Variants in CKAP5 observed in about 807,000 individuals in gnomAD.
CKAP5 encodes cytoskeleton-associated protein 5.
A neutral mutation model predicts 232.8 loss-of-function variants in CKAP5; 27 were observed. That is an observed-to-expected ratio of 0.12 (90% CI 0.09 to 0.16). The LOEUF is 0.16. CKAP5 is among the 10% of genes least tolerant of loss of function. The pLI, the probability that CKAP5 is intolerant of heterozygous loss-of-function variation, is 1.00. For missense variants in CKAP5, 1,838 were observed against 2,424.7 expected (o/e 0.76, Z 5.08); for synonymous variants, 785 against 841.1 (o/e 0.93, Z 1.16).
At chr11:46,783,639 C>T (rs1398516311) in intron 17 of CKAP5, among the ~76,000 whole-genome samples, 1 of 150,852 alleles carries the variant, frequency 6.6e-6, no homozygotes, top group African/African-American at 2.4e-5. Context: ...CTCTGTCACC[C>T]AGGAGTACAG....
chr11:46,808,929 C>T (rs1055885239), intron 7 of CKAP5, among the ~76,000 whole-genome samples: 4 of 152,158 alleles, frequency 2.6e-5, no homozygotes, highest in Non-Finnish European at 5.9e-5. Flanking sequence ...TAGGGAACTT[C>T]CGGCAATGTT....
At chr11:46,769,696 TA>T (rs546392604) in intron 26 of CKAP5, among the ~76,000 whole-genome samples, 42 of 141,204 alleles carry the variant, frequency 3.0e-4, no homozygotes, top group East Asian at 6.1e-4. Flanking sequence ...ATGCCATCTC[TA>T]AAAAAAAAAA....
chr11:46,748,429 G>A (rs967546845), intron 42 of CKAP5, among the ~76,000 whole-genome samples: 3 of 152,152 alleles, frequency 2.0e-5, no homozygotes, highest in African/African-American at 7.2e-5. Flanking sequence ...AAAAGCTTTG[G>A]ATCTGAACAA....
At chr11:46,752,463 T>C (rs1271716226) in intron 38 of CKAP5, among the ~76,000 whole-genome samples, 172 bp downstream of exon 38, 1 of 151,640 alleles carries the variant, frequency 6.6e-6, no homozygotes, top group East Asian at 1.9e-4. Context: ...CCACTGCACC[T>C]GGCTAAATTT....
chr11:46,784,801 G>A, intron 16 of CKAP5, 128 bp from the exon 17 acceptor site: 1 of 596,220 alleles, frequency 1.7e-6, no homozygotes, highest in Non-Finnish European at 2.8e-6. Flanking sequence ...AGTAAAATCA[G>A]GATTTTAAAC....
In CKAP5 at chr11:46,752,193, T is replaced by TATATATATACAC. The variant is rs1408030107; in HGVS notation, c.5133+441_5133+442insGTGTATATATAT. 2.0e-4 allele frequency among the ~76,000 whole-genome samples: 13 copies of TATATATATACAC among 66,542 alleles called. 1 individual carries two copies. The highest frequency in any genetic ancestry group is 6.1e-4 in the African/African-American group (12 of 19,588). The allele number at this position is 66,542 out of a possible 152,430, so 43.7% of individuals were successfully genotyped here. ...ATATATATATATATATATATATATA[T>TATATATATACAC]ACACACACACACACACACACACACA... On this transcript the variant is annotated intron_variant, in intron 38 of 43. Transcript: ENST00000529230.
At chr11:46,766,505 A>G (rs771271545) in intron 27 of CKAP5, among the ~76,000 whole-genome samples, 3 of 152,188 alleles carry the variant, frequency 2.0e-5, no homozygotes, top group Non-Finnish European at 4.4e-5. Context: ...ATTTAGAAGA[A>G]AGGCCCTAGA....
At chr11:46,769,664 C>T (rs1006566431) in intron 26 of CKAP5, among the ~76,000 whole-genome samples, 4 of 151,922 alleles carry the variant, frequency 2.6e-5, no homozygotes, top group African/African-American at 9.7e-5. Context: ...CCACTACACT[C>T]CCTCCTGGGT....
chr11:46,747,887 C>T (rs910212247), intron 42 of CKAP5, among the ~76,000 whole-genome samples: 2 of 152,020 alleles, frequency 1.3e-5, no homozygotes, highest in Non-Finnish European at 2.9e-5. Flanking sequence ...AGGAGAAACC[C>T]TGTCTCTACA....
At chr11:46,789,972 C>T (rs1261550216) in intron 15 of CKAP5, 104 bp downstream of exon 15, 9 of 693,426 alleles carry the variant, frequency 1.3e-5, no homozygotes, top group Non-Finnish European at 2.2e-5. Context: ...AACGTGTTCA[C>T]CGGTTATAAA....
At chr11:46,830,582 G>A (rs1939768619) in intron 1 of CKAP5, among the ~76,000 whole-genome samples, 1 of 152,086 alleles carries the variant, frequency 6.6e-6, no homozygotes, top group Admixed American at 6.5e-5. Context: ...TGGCCCTGCT[G>A]ACTGACACCC....
intron 7 of CKAP5, among the ~76,000 whole-genome samples, chr11:46,808,655 A>G (rs775250288): frequency 6.6e-6 from 1 of 152,252 alleles, no homozygotes; most frequent in Non-Finnish European, 1.5e-5. Context: ...TGTTATAACT[A>G]AAGTAATATA....
chr11:46,812,607 A>G (rs1427512248), intron 4 of CKAP5, among the ~76,000 whole-genome samples: 4 of 152,178 alleles, frequency 2.6e-5, no homozygotes, highest in Non-Finnish European at 2.9e-5. Context: ...AATAGCTACT[A>G]GTGTACTCCA....
chr11:46,827,718 T>G (rs1939687519), intron 1 of CKAP5, among the ~76,000 whole-genome samples: 1 of 152,256 alleles, frequency 6.6e-6, no homozygotes, highest in South Asian at 2.1e-4. Flanking sequence ...AATGTACAAG[T>G]CTATGTAAGT....
chr11:46,816,640 T>A (rs1484250242), intron 3 of CKAP5, among the ~76,000 whole-genome samples: 1 of 152,148 alleles, frequency 6.6e-6, no homozygotes, highest in Non-Finnish European at 1.5e-5. Context: ...AAACAAAAAA[T>A]TAAAGATCCC....
In CKAP5 at chr11:46,744,028, T is replaced by A; in HGVS notation, c.6094A>T (p.Lys2032Ter). ...KRLERIKSSR[K>*] Reference sequence around the variant, plus strand: ...GCCGGGGGAGTGGGGCAGCTTCATTTGCGACTGCTCTTTATTCTCTCCAGT... The same window carrying A: ...GCCGGGGGAGTGGGGCAGCTTCATTAGCGACTGCTCTTTATTCTCTCCAGT... Residue 2032 changes from lysine to a stop codon, truncating the protein, a stop_gained, in exon 44 of 44, where the codon AAA (lysine) becomes TAA (stop). Coordinates refer to ENST00000529230, the MANE Select transcript of CKAP5 (RefSeq NM_001008938.4). LOFTEE classifies it high-confidence loss of function. 1 of 1,612,730 alleles carries A rather than the reference T, an allele frequency of 6.2e-7. No individual in the cohort carries two copies. The highest frequency in any genetic ancestry group is 8.5e-7 in the Non-Finnish European group (1 of 1,180,036).
At position 46,776,300 on chromosome 11, in the gene CKAP5, ATCT is replaced by A. The variant is rs1309209031; in HGVS notation, c.2943_2945del (p.Glu981del). 8 of 1,613,866 alleles carry A rather than the reference ATCT, an allele frequency of 5.0e-6. No homozygotes were observed. In the African/African-American group the frequency reaches 5.3e-5, roughly 11 times the overall value. The stretch of plus-strand genomic sequence containing the variant: ...TTTCCTTTTTGAGCTCTTCAGAAAG[ATCT>A]TCTCCTTCCAGCCATTCCTTCATGC... On this transcript the variant is annotated inframe_deletion, in exon 24 of 44. Transcript: ENST00000529230.
chr11:46,753,488 T>C lies in CKAP5; in HGVS notation c.4879A>G (p.Ile1627Val), dbSNP rs2065085813. The change falls in exon 37 of 44, where the codon ATA (isoleucine) becomes GTA (valine). Residue 1627 changes from isoleucine (I) to valine (V), a missense_variant. Physicochemically the swap from Ile to Val is conservative, Grantham distance 29. Coordinates refer to ENST00000529230, the MANE Select transcript of CKAP5 (RefSeq NM_001008938.4). ...GAGGCCTCCCGGGCAAGGCTCTCTA[T>C]CTGAAACAGCTATCCAGACATACTT... is the stretch of plus-strand genomic sequence containing the variant. ...IIGNMISLFQ[I>V]ESLAREASTG... 1 of 1,610,206 alleles carries C rather than the reference T, an allele frequency of 6.2e-7. No homozygotes were observed. The highest frequency in any genetic ancestry group is 1.3e-5 in the African/African-American group (1 of 74,640).
Position 46,762,964 on chromosome 11 carries a change from ACAC to A in CKAP5, c.3891+9_3891+11del, listed in dbSNP as rs1565722455. Reference sequence around the variant, plus strand: ...ACTTAAGCAGTCTCCCAGAGAGAGAACACCACATTACCTTGACGACAAGATAGG... The same window carrying A: ...ACTTAAGCAGTCTCCCAGAGAGAGAACACATTACCTTGACGACAAGATAGG... On this transcript the variant is annotated intron_variant, in intron 30 of 43. Transcript: ENST00000529230. 4 of 1,609,008 alleles carry A rather than the reference ACAC, an allele frequency of 2.5e-6. No individual in the cohort carries two copies. The highest frequency in any genetic ancestry group is 3.4e-6 in the Non-Finnish European group (4 of 1,175,772).
Sources: gnomAD v4.1 joint callset for allele counts (sites outside exome capture counted in the v4.1 genomes callset) on GRCh38, gnomAD v4.1.1 for gene constraint, MANE v1.5 for transcripts, NCBI Gene and HGNC (gene_info 2026-07-23, HGNC 2026-07-21) for gene names.